The following TBCK variants were observed in gnomAD, a reference collection of about 807,000 sequenced individuals.
TBCK encodes TBC1 domain containing kinase.
In TBCK, 99 loss-of-function variants were observed where a neutral mutation model predicts 113.4. The observed-to-expected ratio is 0.87, with a 90% confidence interval of 0.74 to 1.03. The LOEUF (loss-of-function observed/expected upper bound fraction) is 1.03, where lower values mean the gene tolerates loss of function less well. Ranked by LOEUF, TBCK falls within the 50% of genes least tolerant of loss-of-function variation. The probability of loss-of-function intolerance (pLI) is 0.00; values close to 1 mark genes in which losing one functional copy is unlikely to be tolerated. For missense variants in TBCK, 1,045 were observed against 1,061.3 expected (o/e 0.98, Z 0.21); for synonymous variants, 369 against 370.8 (o/e 1.00, Z 0.05).
At chr4:106,274,684 G>C (rs1174511725) in intron 3 of TBCK, among the ~76,000 whole-genome samples, 1 of 152,156 alleles carries the variant, frequency 6.6e-6, no homozygotes, top group African/African-American at 2.4e-5. Flanking sequence ...GAGAAGGCGA[G>C]GGACTGCTCA....
intron 18 of TBCK, among the ~76,000 whole-genome samples, chr4:106,230,905 C>T (rs1289868997): frequency 6.6e-6 from 1 of 151,784 alleles, no homozygotes; most frequent in Non-Finnish European, 1.5e-5. Flanking sequence ...TGATCATTGG[C>T]TATGCCTAAC....
chr4:106,291,205 T>C (rs1765673685), intron 3 of TBCK, among the ~76,000 whole-genome samples: 1 of 152,160 alleles, frequency 6.6e-6, no homozygotes, highest in Non-Finnish European at 1.5e-5. Context: ...ATTATTTTAT[T>C]TACCTCTTCC....
At chr4:106,291,502 C>A (rs1015973923) in intron 3 of TBCK, among the ~76,000 whole-genome samples, 1 of 152,168 alleles carries the variant, frequency 6.6e-6, no homozygotes, top group Non-Finnish European at 1.5e-5. Context: ...ACCAGCTATC[C>A]AATGAAGCCA....
At chr4:106,195,363 G>A (rs1754092018) in intron 20 of TBCK, among the ~76,000 whole-genome samples, 2 of 151,946 alleles carry the variant, frequency 1.3e-5, no homozygotes, top group Admixed American at 6.6e-5. Context: ...TGCAATGCTG[G>A]TATACTAATT....
At chr4:106,132,148 T>C (rs1269916544) in intron 23 of TBCK, among the ~76,000 whole-genome samples, 3 of 152,228 alleles carry the variant, frequency 2.0e-5, no homozygotes, top group Non-Finnish European at 2.9e-5. Context: ...AACCAAATGT[T>C]AATCACCAAG....
intron 3 of TBCK, among the ~76,000 whole-genome samples, chr4:106,283,711 A>G (rs571001325): frequency 2.2e-4 from 33 of 152,090 alleles, no homozygotes; most frequent in Non-Finnish European, 4.6e-4. Context: ...TGAGAGAATT[A>G]GATTGAAGTC....
intron 23 of TBCK, among the ~76,000 whole-genome samples, chr4:106,136,793 C>T (rs1011409055): frequency 7.1e-6 from 1 of 140,974 alleles, no homozygotes; most frequent in African/African-American, 2.5e-5. Context: ...TTCAATATAC[C>T]ATGAGCTCCT....
chr4:106,203,247 G>T (rs1728351094), intron 20 of TBCK, among the ~76,000 whole-genome samples: 1 of 149,282 alleles, frequency 6.7e-6, no homozygotes, highest in Admixed American at 6.8e-5. Context: ...CAGCTGAGCA[G>T]TAAGTTCAAA....
At chr4:106,107,027 T>C (rs1742245885) in intron 24 of TBCK, among the ~76,000 whole-genome samples, 1 of 147,878 alleles carries the variant, frequency 6.8e-6, no homozygotes, top group African/African-American at 2.5e-5. Context: ...CCAACAACGA[T>C]TTAAAAAAAA....
chr4:106,232,259 T>C (rs919944093), intron 17 of TBCK, among the ~76,000 whole-genome samples: 2 of 151,894 alleles, frequency 1.3e-5, no homozygotes, highest in Non-Finnish European at 2.9e-5. Context: ...GCATGTATTG[T>C]CATGTTGAAA....
intron 3 of TBCK, among the ~76,000 whole-genome samples, chr4:106,274,085 G>A (rs1763774441): frequency 6.6e-6 from 1 of 152,152 alleles, no homozygotes; most frequent in Non-Finnish European, 1.5e-5. Context: ...TCTGGGCCAG[G>A]AACTTGGGAC....
intron 25 of TBCK, among the ~76,000 whole-genome samples, chr4:106,069,734 C>A (rs1232457418): frequency 2.0e-5 from 3 of 152,166 alleles, no homozygotes; most frequent in Admixed American, 1.3e-4. Flanking sequence ...TTACCCTGGG[C>A]AGTATGGCCA....
At chr4:106,178,606 T>TGTAGCATG (rs1419024346) in intron 22 of TBCK, among the ~76,000 whole-genome samples, 2 of 152,026 alleles carry the variant, frequency 1.3e-5, no homozygotes, top group Non-Finnish European at 2.9e-5. Flanking sequence ...TGTTAAGTGA[T>TGTAGCATG]GTAGCATGTT....
chr4:106,073,470 T>C (rs28783132), intron 25 of TBCK, among the ~76,000 whole-genome samples: 9,454 of 152,308 alleles, frequency 0.062, 344 homozygotes, highest in Non-Finnish European at 0.079. Context: ...TACTGCTGCC[T>C]GATCCTTACT....
chr4:106,196,453 C>A (rs1261652518), intron 20 of TBCK, among the ~76,000 whole-genome samples: 1 of 151,894 alleles, frequency 6.6e-6, no homozygotes, highest in Non-Finnish European at 1.5e-5. Context: ...CAGCACCTAG[C>A]AATTATGAAT....
intron 3 of TBCK, among the ~76,000 whole-genome samples, chr4:106,265,673 C>T (rs1762934076): frequency 6.6e-6 from 1 of 151,772 alleles, no homozygotes. Context: ...TACATCATTC[C>T]TTTGAGTATC....
intron 25 of TBCK, among the ~76,000 whole-genome samples, chr4:106,070,144 C>A (rs899886181): frequency 6.6e-6 from 1 of 152,168 alleles, no homozygotes; most frequent in Admixed American, 6.5e-5. Context: ...CTTTCTCCTG[C>A]CTGATTGCCC....
chr4:106,302,966 G>A (rs1321474248), intron 2 of TBCK, among the ~76,000 whole-genome samples: 2 of 151,966 alleles, frequency 1.3e-5, no homozygotes, highest in Non-Finnish European at 2.9e-5. Context: ...TTATTTTCTG[G>A]GCTTTCAGCA....
chr4:106,055,197 C>T (rs895585102), intron 25 of TBCK, among the ~76,000 whole-genome samples: 2 of 151,422 alleles, frequency 1.3e-5, no homozygotes, highest in Non-Finnish European at 3.0e-5. Context: ...ATCTTTCTAC[C>T]TTTGTCTGCA....
Sources: allele counts gnomAD v4.1 joint callset (sites outside exome capture counted in the v4.1 genomes callset), GRCh38; gene constraint gnomAD v4.1.1; transcripts MANE v1.5; gene names NCBI Gene and HGNC (gene_info 2026-07-23, HGNC 2026-07-21).